The following EEFSEC variants were observed in gnomAD, a reference collection of about 807,000 sequenced individuals.
EEFSEC encodes the protein eukaryotic elongation factor, selenocysteine-tRNA specific, also known as selenocysteine-specific elongation factor.
A neutral mutation model predicts 42.1 loss-of-function variants in EEFSEC; 43 were observed. The ratio of observed to expected loss-of-function variants is 1.02; its 90% confidence interval spans 0.80 to 1.32. The LOEUF is 1.32. Among genes scored for constraint, EEFSEC ranks in the 40% most tolerant of loss-of-function variants. The probability of loss-of-function intolerance (pLI) is 0.00; values close to 1 mark genes in which losing one functional copy is unlikely to be tolerated. For synonymous variants in EEFSEC, 354 were observed against 339.1 expected (o/e 1.04, Z -0.48); for missense variants, 745 against 803.6 (o/e 0.93, Z 0.88).
At chr3:128,202,771 A>G (rs1004301211) in intron 1 of EEFSEC, among the ~76,000 whole-genome samples, 1 of 152,164 alleles carries the variant, frequency 6.6e-6, no homozygotes, top group African/African-American at 2.4e-5. Flanking sequence ...TCTAGTAAGT[A>G]TGGTGTTAGC....
chr3:128,221,519 G>C (rs2065861021), intron 1 of EEFSEC, among the ~76,000 whole-genome samples: 1 of 152,192 alleles, frequency 6.6e-6, no homozygotes, highest in Admixed American at 6.5e-5. Context: ...TTCATCACTG[G>C]TGCTAATGGA....
At chr3:128,410,531 T>G (rs114903047), downstream of EEFSEC, among the ~76,000 whole-genome samples, 3 of 152,166 alleles carry the variant, frequency 2.0e-5, no homozygotes, top group Non-Finnish European at 2.9e-5. Flanking sequence ...ACAGGGCGAA[T>G]GTGGCTGCCG....
At chr3:128,334,951 C>A (rs1472697300) in intron 4 of EEFSEC, among the ~76,000 whole-genome samples, 1 of 152,246 alleles carries the variant, frequency 6.6e-6, no homozygotes, top group African/African-American at 2.4e-5. Flanking sequence ...CTGGGGGCCC[C>A]TGGGCAGCAG....
At chr3:128,227,969 C>G (rs560493068) in intron 1 of EEFSEC, among the ~76,000 whole-genome samples, 19 of 152,282 alleles carry the variant, frequency 1.2e-4, no homozygotes, top group African/African-American at 4.6e-4. Context: ...ACTTTTCTCC[C>G]CTTTTTTCTG....
chr3:128,276,290 G>T (rs529358578), intron 4 of EEFSEC, among the ~76,000 whole-genome samples: 1 of 152,284 alleles, frequency 6.6e-6, no homozygotes, highest in Non-Finnish European at 1.5e-5. Flanking sequence ...GGTCCACCCC[G>T]GGTCCCTGAA....
At chr3:128,355,138 G>A (rs1427611315) in intron 5 of EEFSEC, among the ~76,000 whole-genome samples, 3 of 152,166 alleles carry the variant, frequency 2.0e-5, no homozygotes, top group Non-Finnish European at 4.4e-5. Flanking sequence ...GTGAGCGCCT[G>A]TTCACCAGGC....
chr3:128,274,987 G>A (rs2066452703), intron 4 of EEFSEC, among the ~76,000 whole-genome samples: 1 of 152,226 alleles, frequency 6.6e-6, no homozygotes. Context: ...CAGAAGCAAG[G>A]GGTGAGATGG....
At chr3:128,398,309 G>C (rs890043129) in intron 6 of EEFSEC, among the ~76,000 whole-genome samples, 4 of 152,190 alleles carry the variant, frequency 2.6e-5, no homozygotes, top group Non-Finnish European at 5.9e-5. Context: ...GGGCAAGATA[G>C]ACAAGTGTCA....
intron 1 of EEFSEC, among the ~76,000 whole-genome samples, chr3:128,168,618 T>C (rs532001236): frequency 3.9e-5 from 6 of 152,358 alleles, no homozygotes; most frequent in African/African-American, 1.2e-4. Flanking sequence ...CCTTTAGTTC[T>C]TCTTGTGTCT....
At chr3:128,183,300 C>T (rs763408329) in intron 1 of EEFSEC, among the ~76,000 whole-genome samples, 22 of 152,280 alleles carry the variant, frequency 1.4e-4, no homozygotes, top group Middle Eastern at 3.4e-3. Flanking sequence ...CTGTTCCTAT[C>T]CTCTTATATG....
At chr3:128,239,571 A>T (rs2999077) in intron 1 of EEFSEC, among the ~76,000 whole-genome samples, 44 of 152,202 alleles carry the variant, frequency 2.9e-4, no homozygotes, top group African/African-American at 9.9e-4. Context: ...CCAAGCTGCC[A>T]CCCCGTTCCT....
Position 128,353,606 on chromosome 3 carries a change from G to A in EEFSEC, c.1444-4611G>A, listed in dbSNP as rs1312492990. Among the ~76,000 whole-genome samples the A allele has an allele frequency of 2.0e-5, 3 of 152,242 alleles. No individual in the cohort carries two copies. The East Asian group carries it at 5.8e-4, about 29-fold the overall frequency. On this transcript the variant is annotated intron_variant, in intron 5 of 6. Transcript: ENST00000254730. Reference sequence around the variant, plus strand: ...CTGGGCCGGACTTCTAGGCCCATTTGTGTCCAGTCAGTCATGACATGGCTC... The same window carrying A: ...CTGGGCCGGACTTCTAGGCCCATTTATGTCCAGTCAGTCATGACATGGCTC...
chr3:128,207,603 A>G (rs1053510868), intron 1 of EEFSEC, among the ~76,000 whole-genome samples: 36 of 145,288 alleles, frequency 2.5e-4, no homozygotes, highest in Non-Finnish European at 4.3e-4. Context: ...ACACACACAC[A>G]CGCTTAACAA....
At chr3:128,178,493 A>C (rs2065373344) in intron 1 of EEFSEC, among the ~76,000 whole-genome samples, 1 of 152,234 alleles carries the variant, frequency 6.6e-6, no homozygotes, top group African/African-American at 2.4e-5. Context: ...TTAGACTCAA[A>C]GTTAGTTTAA....
intron 4 of EEFSEC, among the ~76,000 whole-genome samples, chr3:128,315,379 C>A (rs752596678): frequency 6.6e-6 from 1 of 152,174 alleles, no homozygotes; most frequent in African/African-American, 2.4e-5. Flanking sequence ...GAATTGATGA[C>A]CACAGTTGAG....
In EEFSEC at chr3:128,246,891, G is replaced by A. The variant is rs762501269; in HGVS notation, c.372G>A (p.Gln124=). The change falls in exon 2 of 7, where the codon CAG becomes CAA. Residue 124 remains glutamine, a synonymous_variant. Coordinates refer to ENST00000254730, the MANE Select transcript of EEFSEC (RefSeq NM_021937.5). ...TCATCGATGTGACCAAGGGGATGCA[G>A]ACCCAGTCAGCGGAATGCCTTGTGA... The part of the protein sequence containing the change: ...MLVIDVTKGM[Q]TQSAECLVIG... 1 of 1,614,180 alleles carries A rather than the reference G, an allele frequency of 6.2e-7. No individual in the cohort carries two copies. The highest frequency in any genetic ancestry group is 8.5e-7 in the Non-Finnish European group (1 of 1,180,022).
intron 6 of EEFSEC, among the ~76,000 whole-genome samples, chr3:128,386,504 G>C (rs1453214656): frequency 6.6e-6 from 1 of 151,644 alleles, no homozygotes; most frequent in African/African-American, 2.4e-5. Flanking sequence ...AGTGACAGGT[G>C]ACACCACAGC....
intron 1 of EEFSEC, among the ~76,000 whole-genome samples, chr3:128,184,723 A>T (rs763558027): frequency 1.3e-5 from 2 of 152,010 alleles, no homozygotes; most frequent in African/African-American, 2.4e-5. Flanking sequence ...AATGAAGGAC[A>T]TTTTTTTTCC....
chr3:128,405,814 A>G (rs1482526154), intron 6 of EEFSEC, among the ~76,000 whole-genome samples: 2 of 152,250 alleles, frequency 1.3e-5, no homozygotes, highest in Non-Finnish European at 2.9e-5. Context: ...GCCTCTGCCC[A>G]GCTTCCTCCC....
Sources: gnomAD v4.1 joint callset for allele counts (sites outside exome capture counted in the v4.1 genomes callset) on GRCh38, gnomAD v4.1.1 for gene constraint, MANE v1.5 for transcripts, NCBI Gene and HGNC (gene_info 2026-07-23, HGNC 2026-07-21) for gene names.